Variants in FAAH2 observed in about 807,000 individuals in gnomAD.
The protein encoded by FAAH2 is fatty acid amide hydrolase 2.
A neutral mutation model predicts 36.9 loss-of-function variants in FAAH2; 60 were observed. The observed-to-expected ratio is 1.63, with a 90% CI of 1.32 to 2.02. The LOEUF is 2.02. FAAH2 is among the 30% of genes most tolerant of loss of function. The probability of loss-of-function intolerance (pLI) is 0.00; values close to 1 mark genes in which losing one functional copy is unlikely to be tolerated. For missense variants in FAAH2, 689 were observed against 397.5 expected (o/e 1.73, Z -6.23); for synonymous variants, 214 against 143.8 (o/e 1.49, Z -3.49).
chrX:57,419,617 A>C, intron 7 of FAAH2, among the ~76,000 whole-genome samples: 1 of 111,468 alleles, frequency 9.0e-6, no homozygotes, highest in Non-Finnish European at 1.9e-5. Context: ...TCTGGATATT[A>C]GCCGTTTGTC....
intron 7 of FAAH2, chrX:57,394,951 C>A (rs2055257343): frequency 1.7e-6 from 1 of 600,469 alleles, no homozygotes; most frequent in Non-Finnish European, 3.0e-6. Context: ...CTGTCTCTTT[C>A]ATGAGTTCCA....
At chrX:57,344,943 AC>A (rs1371504990) in intron 5 of FAAH2, among the ~76,000 whole-genome samples, 1 of 111,058 alleles carries the variant, frequency 9.0e-6, no homozygotes, top group African/African-American at 3.3e-5. Flanking sequence ...AGCTTACTCA[AC>A]TGTTGTGAAT....
At chrX:57,213,746 A>G in the FAAH2 span, among the ~76,000 whole-genome samples, 50 of 111,991 alleles carry the variant, frequency 4.5e-4, no homozygotes, top group Non-Finnish European at 7.0e-4. Flanking sequence ...GTGTGACAAC[A>G]TATAGCCTAT....
chrX:57,428,868 A>G (rs1020961523), intron 7 of FAAH2, among the ~76,000 whole-genome samples: 5 of 112,422 alleles, frequency 4.4e-5, no homozygotes, highest in Admixed American at 1.9e-4. Flanking sequence ...AATGCACAAT[A>G]CCAAAAATAG....
intron 10 of FAAH2, among the ~76,000 whole-genome samples, chrX:57,464,081 G>T (rs889332373): frequency 1.8e-5 from 2 of 112,022 alleles, no homozygotes; most frequent in South Asian, 3.7e-4. Flanking sequence ...CCATAAAAAT[G>T]AATTAGTTCA....
chrX:57,231,043 G>GTGTGTGTGTGTA, the FAAH2 span, among the ~76,000 whole-genome samples: 1 of 107,077 alleles, frequency 9.3e-6, no homozygotes, highest in Non-Finnish European at 1.9e-5. Flanking sequence ...AAGTGTGTGT[G>GTGTGTGTGTGTA]TGTGTGTGTG....
the FAAH2 span, among the ~76,000 whole-genome samples, chrX:57,210,491 A>G: frequency 1.8e-5 from 2 of 112,281 alleles, no homozygotes; most frequent in Non-Finnish European, 3.8e-5. Context: ...ATATAATATG[A>G]TTAATAAAAA....
intron 7 of FAAH2, among the ~76,000 whole-genome samples, chrX:57,411,253 T>C: frequency 8.9e-6 from 1 of 112,208 alleles, no homozygotes; most frequent in Non-Finnish European, 1.9e-5. Flanking sequence ...ATCCCATTTA[T>C]TTTCCCTAAA....
At chrX:57,382,267 T>C (rs749654435) in intron 7 of FAAH2, among the ~76,000 whole-genome samples, 36 of 111,000 alleles carry the variant, frequency 3.2e-4, no homozygotes, top group African/African-American at 8.8e-4. Context: ...TTAAAAGAAC[T>C]AGAGAAGCAA....
chrX:57,405,150 G>A (rs762293524), intron 7 of FAAH2, among the ~76,000 whole-genome samples: 39 of 111,848 alleles, frequency 3.5e-4, no homozygotes, highest in African/African-American at 1.3e-3. Context: ...GCAAGCAAAA[G>A]TAGTCCAATA....
At chrX:57,486,891 G>A (rs1005769275) in intron 10 of FAAH2, among the ~76,000 whole-genome samples, 4 of 111,618 alleles carry the variant, frequency 3.6e-5, no homozygotes, top group Admixed American at 9.6e-5. Flanking sequence ...TCTTATCTGC[G>A]GATAGTTAGT....
In FAAH2 at chrX:57,331,746, C is replaced by A; in HGVS notation, c.561C>A (p.Asn187Lys). 8.3e-7 allele frequency: 1 copy of A among 1,211,367 alleles called. No individual in the cohort carries two copies. Among genetic ancestry groups the A allele is most frequent in the Non-Finnish European group, 1.1e-6 (1 of 895,453 alleles). ...TGTGTATGTGGTATGAATCCAGTAA[C>A]AAGATCTATGGCCGATCAAACAACC... The part of the protein sequence containing the change: ...SELCMWYESS[N>K]KIYGRSNNPY... Residue 187 changes from asparagine (N) to lysine (K), a missense_variant, in exon 4 of 11, where the codon AAC (asparagine) becomes AAA (lysine). By Grantham distance (94) the Asn-to-Lys change is moderately conservative (BLOSUM62 0). Coordinates refer to ENST00000374900, the MANE Select transcript of FAAH2 (RefSeq NM_174912.4).
chrX:57,157,427 C>T, the FAAH2 span, among the ~76,000 whole-genome samples: 54 of 111,671 alleles, frequency 4.8e-4, no homozygotes, highest in African/African-American at 1.7e-3. Context: ...CCCTTCTGGT[C>T]CAGGGCTGGT....
At chrX:57,404,865 G>A (rs948385140) in intron 7 of FAAH2, among the ~76,000 whole-genome samples, 4 of 112,147 alleles carry the variant, frequency 3.6e-5, no homozygotes, top group African/African-American at 1.3e-4. Flanking sequence ...GAGACTTCTG[G>A]CTGCACCATG....
intron 10 of FAAH2, among the ~76,000 whole-genome samples, chrX:57,460,438 C>T (rs756325197): frequency 2.7e-5 from 3 of 111,775 alleles, no homozygotes; most frequent in Non-Finnish European, 5.6e-5. Context: ...AAGGGAAACC[C>T]GCCAGACTAA....
chrX:57,396,798 T>C (rs1394918239), intron 7 of FAAH2, among the ~76,000 whole-genome samples: 1 of 112,080 alleles, frequency 8.9e-6, no homozygotes, highest in Non-Finnish European at 1.9e-5. Flanking sequence ...TAAGAAAATG[T>C]ATATTCTGTC....
rs965304297 is a variant in FAAH2, at chrX:57,313,055, T to C, written c.412+2326T>C. ...TTAGGAAACAACAAAACAGAGCTTC[T>C]AGAAATTAAAGACTCACTATGAGAA... On this transcript the variant is annotated intron_variant, in intron 3 of 10. Transcript: ENST00000374900. 2.7e-5 allele frequency among the ~76,000 whole-genome samples: 3 copies of C among 111,700 alleles called. No homozygotes were observed. In the Admixed American group the frequency reaches 2.9e-4, roughly 11 times the overall value.
intron 5 of FAAH2, among the ~76,000 whole-genome samples, chrX:57,357,107 G>T (rs1265352026): frequency 9.0e-6 from 1 of 111,306 alleles, no homozygotes; most frequent in Non-Finnish European, 1.9e-5. Flanking sequence ...TTAATAAATG[G>T]TGCTGGTAAA....
At chrX:57,410,073 T>G (rs944786626) in intron 7 of FAAH2, among the ~76,000 whole-genome samples, 7 of 111,263 alleles carry the variant, frequency 6.3e-5, no homozygotes, top group African/African-American at 2.3e-4. Context: ...TGTGTTGTGT[T>G]TTTGTTTTCA....
Sources: allele counts gnomAD v4.1 joint callset (sites outside exome capture counted in the v4.1 genomes callset), GRCh38; gene constraint gnomAD v4.1.1; transcripts MANE v1.5; gene names NCBI Gene and HGNC (gene_info 2026-07-23, HGNC 2026-07-21).